The following CRB1 variants were observed in gnomAD, a reference collection of about 807,000 sequenced individuals.
CRB1 encodes protein crumbs homolog 1.
A neutral mutation model predicts 120.0 loss-of-function variants in CRB1; 83 were observed. That is an observed-to-expected ratio of 0.69 (90% CI 0.58 to 0.83). The LOEUF (loss-of-function observed/expected upper bound fraction) is 0.83. Among genes scored for constraint, CRB1 ranks in the 40% least tolerant of loss-of-function variants. The pLI is 0.00. For missense variants in CRB1, 1,699 were observed against 1,687.6 expected (o/e 1.01, Z -0.12); for synonymous variants, 625 against 612.5 (o/e 1.02, Z -0.30).
At chr1:197,475,745 A>G (rs1012107575) in intron 11 of CRB1, among the ~76,000 whole-genome samples, 2 of 152,066 alleles carry the variant, frequency 1.3e-5, no homozygotes, top group Non-Finnish European at 1.5e-5. Context: ...CCCTTTCCCA[A>G]TTCAAACATA....
intron 8 of CRB1, among the ~76,000 whole-genome samples, chr1:197,433,820 T>C (rs1007172810): frequency 6.6e-6 from 1 of 152,094 alleles, no homozygotes; most frequent in African/African-American, 2.4e-5. Flanking sequence ...TTGACCTTGG[T>C]GGGAATACAG....
At chr1:197,307,739 G>A (rs893375617) in intron 1 of CRB1, among the ~76,000 whole-genome samples, 3 of 152,162 alleles carry the variant, frequency 2.0e-5, no homozygotes, top group Non-Finnish European at 1.5e-5. Flanking sequence ...TATTAGTACT[G>A]GAGGTATTAC....
intron 1 of CRB1, among the ~76,000 whole-genome samples, chr1:197,312,292 G>A (rs943364102): frequency 5.9e-5 from 9 of 152,116 alleles, no homozygotes; most frequent in Non-Finnish European, 1.3e-4. Context: ...GGCTGGGTGC[G>A]GTGGCTCATG....
chr1:197,447,780 G>T (rs979471438), intron 11 of CRB1, among the ~76,000 whole-genome samples: 6 of 151,572 alleles, frequency 4.0e-5, no homozygotes, highest in Admixed American at 3.9e-4. Flanking sequence ...CCTGAGCCTG[G>T]GAAGTCGAGG....
At chr1:197,231,607 C>T in the CRB1 span, among the ~76,000 whole-genome samples, 5 of 152,104 alleles carry the variant, frequency 3.3e-5, no homozygotes, top group African/African-American at 4.8e-5. Context: ...CCACAATAAG[C>T]GATGTAGAAA....
At chr1:197,296,360 A>C (rs1656519904) in intron 1 of CRB1, among the ~76,000 whole-genome samples, 1 of 152,064 alleles carries the variant, frequency 6.6e-6, no homozygotes, top group Non-Finnish European at 1.5e-5. Context: ...CTTAATTGAC[A>C]TCATCATGGT....
intron 5 of CRB1, among the ~76,000 whole-genome samples, chr1:197,416,676 G>T (rs956216753): frequency 2.0e-5 from 3 of 152,026 alleles, no homozygotes; most frequent in African/African-American, 7.2e-5. Context: ...TTAGGTTTTT[G>T]AAAGGTTTAT....
chr1:197,386,387 A>G (rs1386521958), intron 5 of CRB1, among the ~76,000 whole-genome samples: 1 of 152,028 alleles, frequency 6.6e-6, no homozygotes, highest in African/African-American at 2.4e-5. Flanking sequence ...AACTGTTGAG[A>G]TTTTTCAAAC....
chr1:197,237,411 G>A, the CRB1 span, among the ~76,000 whole-genome samples: 2 of 152,264 alleles, frequency 1.3e-5, no homozygotes, highest in East Asian at 1.9e-4. Flanking sequence ...CTCACATGGT[G>A]AAAGGGGCAA....
intron 5 of CRB1, 129 bp downstream of exon 5, chr1:197,357,142 C>T (rs763926096): frequency 3.3e-5 from 30 of 911,150 alleles, no homozygotes; most frequent in Non-Finnish European, 5.0e-5. Context: ...GCAAAGGGTC[C>T]CCCTTGTGGG....
At chr1:197,344,201 A>G in intron 2 of CRB1, 80 bp from the exon 3 acceptor site, 1 of 1,326,790 alleles carries the variant, frequency 7.5e-7, no homozygotes, top group Non-Finnish European at 1.1e-6. Flanking sequence ...GCTCTGGTAA[A>G]CAAAGCATTG....
chr1:197,311,888 T>C (rs994317300), intron 1 of CRB1, among the ~76,000 whole-genome samples: 2 of 152,190 alleles, frequency 1.3e-5, no homozygotes, highest in Non-Finnish European at 2.9e-5. Flanking sequence ...CTTTATCTGT[T>C]AAATATGCTG....
intron 5 of CRB1, among the ~76,000 whole-genome samples, chr1:197,383,991 A>G (rs1408766983): frequency 6.6e-6 from 1 of 152,202 alleles, no homozygotes; most frequent in Non-Finnish European, 1.5e-5. Flanking sequence ...AGAAGTTACA[A>G]CCTGAGGGCC....
intron 11 of CRB1, among the ~76,000 whole-genome samples, chr1:197,465,561 A>G (rs1451909473): frequency 6.6e-6 from 1 of 152,146 alleles, no homozygotes; most frequent in Non-Finnish European, 1.5e-5. Flanking sequence ...TTGGTGTTTT[A>G]AGTTGCTTTG....
At chr1:197,268,558 G>A in intron 1 of CRB1, 76 bp downstream of exon 1, 1 of 1,106,260 alleles carries the variant, frequency 9.0e-7, no homozygotes, top group Admixed American at 1.7e-5. Context: ...AATGGATAAT[G>A]TTGCATGTTC....
chr1:197,425,543 A>G (rs569981124), intron 6 of CRB1, among the ~76,000 whole-genome samples: 1 of 152,298 alleles, frequency 6.6e-6, no homozygotes, highest in South Asian at 2.1e-4. Flanking sequence ...GAAGACAGCA[A>G]TATCTTGAAG....
intron 11 of CRB1, among the ~76,000 whole-genome samples, chr1:197,448,109 T>G (rs1665788262): frequency 6.6e-6 from 1 of 152,218 alleles, no homozygotes; most frequent in South Asian, 2.1e-4. Context: ...TTCATTTTAC[T>G]TTCACATAAT....
the CRB1 span, among the ~76,000 whole-genome samples, chr1:197,253,267 C>T: frequency 3.8e-3 from 572 of 152,150 alleles, 1 homozygote; most frequent in Non-Finnish European, 6.4e-3. Flanking sequence ...CCTTGAATTT[C>T]TTTATCACAC....
chr1:197,464,984 C>T (rs1472905485), intron 11 of CRB1, among the ~76,000 whole-genome samples: 3 of 152,154 alleles, frequency 2.0e-5, no homozygotes, highest in African/African-American at 7.2e-5. Context: ...GAACAGAGTT[C>T]TTGTCACTTC....
Sources: allele counts gnomAD v4.1 joint callset (sites outside exome capture counted in the v4.1 genomes callset), GRCh38; gene constraint gnomAD v4.1.1; transcripts MANE v1.5; gene names NCBI Gene and HGNC (gene_info 2026-07-23, HGNC 2026-07-21).